Variants in NIBAN1 observed in about 807,000 individuals in gnomAD.
The protein encoded by NIBAN1 is niban apoptosis regulator 1.
A neutral mutation model predicts 75.1 loss-of-function variants in NIBAN1; 81 were observed. The observed-to-expected ratio is 1.08, with a 90% CI of 0.90 to 1.30. The LOEUF (loss-of-function observed/expected upper bound fraction) is 1.30, where lower values mean the gene tolerates loss of function less well. Among genes scored for constraint, NIBAN1 ranks in the 50% most tolerant of loss-of-function variants. The probability of loss-of-function intolerance (pLI) is 0.00; values close to 1 mark genes in which losing one functional copy is unlikely to be tolerated. For missense variants in NIBAN1, 1,133 were observed against 1,128.1 expected (o/e 1.00, Z -0.06); for synonymous variants, 436 against 424.8 (o/e 1.03, Z -0.32).
At chr1:184,926,083 G>C (rs1379799946) in intron 1 of NIBAN1, among the ~76,000 whole-genome samples, 3 of 152,006 alleles carry the variant, frequency 2.0e-5, no homozygotes, top group Admixed American at 6.6e-5. Context: ...TGTTTGAAGG[G>C]TATTTTTGCT....
At chr1:184,870,838 T>A (rs917354714) in intron 5 of NIBAN1, among the ~76,000 whole-genome samples, 1 of 152,234 alleles carries the variant, frequency 6.6e-6, no homozygotes, top group Non-Finnish European at 1.5e-5. Context: ...CCAAAAGTTC[T>A]TTTGAATACC....
intron 5 of NIBAN1, among the ~76,000 whole-genome samples, chr1:184,883,383 T>C (rs117507174): frequency 6.6e-6 from 1 of 152,310 alleles, no homozygotes; most frequent in East Asian, 1.9e-4. Flanking sequence ...AGGAACTCTG[T>C]ATGCTTCATT....
At chr1:184,819,742 G>A (rs1006452441) in intron 8 of NIBAN1, among the ~76,000 whole-genome samples, 1 of 152,168 alleles carries the variant, frequency 6.6e-6, no homozygotes, top group Non-Finnish European at 1.5e-5. Context: ...GAGAACAGAA[G>A]CACAAGTGGA....
chr1:184,916,544 G>A (rs1657389313), intron 1 of NIBAN1, among the ~76,000 whole-genome samples: 1 of 152,082 alleles, frequency 6.6e-6, no homozygotes, highest in Non-Finnish European at 1.5e-5. Flanking sequence ...ATAATTATGT[G>A]TGTGTGTGTC....
chr1:184,884,830 T>G, intron 4 of NIBAN1, 30 bp from the exon 5 acceptor site: 1 of 1,606,836 alleles, frequency 6.2e-7, no homozygotes, highest in Non-Finnish European at 8.5e-7. Flanking sequence ...ACAAATACCT[T>G]TTAAAACATG....
intron 5 of NIBAN1, among the ~76,000 whole-genome samples, chr1:184,860,414 A>G (rs1052589575): frequency 6.6e-6 from 1 of 152,194 alleles, no homozygotes; most frequent in African/African-American, 2.4e-5. Context: ...CTTAGAAGTC[A>G]TTGCTTTTAT....
At chr1:184,962,750 A>T (rs1267218497) in intron 1 of NIBAN1, among the ~76,000 whole-genome samples, 1 of 152,222 alleles carries the variant, frequency 6.6e-6, no homozygotes, top group Non-Finnish European at 1.5e-5. Context: ...TTGGAGCTTC[A>T]ATAAAATAAG....
At chr1:184,923,594 T>C (rs1368119426) in intron 1 of NIBAN1, among the ~76,000 whole-genome samples, 3 of 152,194 alleles carry the variant, frequency 2.0e-5, no homozygotes, top group East Asian at 1.9e-4. Context: ...TTTCTATTTC[T>C]GTGAAGAATG....
intron 1 of NIBAN1, among the ~76,000 whole-genome samples, chr1:184,929,780 G>A (rs1303413492): frequency 6.6e-6 from 1 of 152,106 alleles, no homozygotes; most frequent in African/African-American, 2.4e-5. Context: ...TGGTCAAAAG[G>A]GTTGTTAAAA....
chr1:184,845,182 G>A (rs1362069793), intron 5 of NIBAN1, among the ~76,000 whole-genome samples: 2 of 152,200 alleles, frequency 1.3e-5, no homozygotes, highest in African/African-American at 2.4e-5. Context: ...TGCATCATCA[G>A]CATGAGTTGT....
chr1:184,797,696 A>T (rs1571466288), intron 13 of NIBAN1, among the ~76,000 whole-genome samples: 1 of 152,194 alleles, frequency 6.6e-6, no homozygotes. Context: ...CCTGTGCCTA[A>T]GAAAAGCCCT....
chr1:184,970,348 C>T (rs916078546), intron 1 of NIBAN1, among the ~76,000 whole-genome samples: 12 of 152,176 alleles, frequency 7.9e-5, no homozygotes, highest in African/African-American at 2.7e-4. Context: ...AGTTCTTATG[C>T]CCATCTCCCA....
At chr1:184,857,976 G>A (rs900016191) in intron 5 of NIBAN1, among the ~76,000 whole-genome samples, 6 of 151,440 alleles carry the variant, frequency 4.0e-5, no homozygotes, top group Admixed American at 2.0e-4. Context: ...GAGGAAATTA[G>A]AAATATAATC....
intron 9 of NIBAN1, among the ~76,000 whole-genome samples, chr1:184,808,826 C>G (rs1304170130): frequency 1.3e-5 from 2 of 152,166 alleles, no homozygotes; most frequent in Non-Finnish European, 2.9e-5. Flanking sequence ...GTTTGAAGAA[C>G]TGGGGTCCCT....
intron 9 of NIBAN1, among the ~76,000 whole-genome samples, chr1:184,811,363 C>T (rs949356263): frequency 2.8e-4 from 43 of 152,084 alleles, no homozygotes; most frequent in African/African-American, 9.9e-4. Context: ...TCCTTAATTT[C>T]TGGAAAACTG....
chr1:184,832,082 A>C (rs932951161), intron 5 of NIBAN1, 120 bp from the exon 6 acceptor site: 21 of 715,166 alleles, frequency 2.9e-5, no homozygotes, highest in Non-Finnish European at 3.8e-5. Flanking sequence ...ATGGGATTAT[A>C]AGACACAGAG....
chr1:184,889,996 T>C lies in NIBAN1; in HGVS notation c.433+112A>G, dbSNP rs193052224. The C allele has an allele frequency of 2.2e-5, 18 of 805,264 alleles. No individual in the cohort carries two copies. The East Asian group carries it at 4.6e-4, about 21-fold the overall frequency. The allele number at this position is 805,264 out of a possible 1,614,324, so 49.9% of individuals were successfully genotyped here. ...TGTGACAAACAAAAATGTCTCCAGA[T>C]GCTGCCAAATGTCCCTGGAGGGAAA... On this transcript the variant is annotated intron_variant, in intron 4 of 13. Coordinates refer to ENST00000367511, the MANE Select transcript of NIBAN1 (RefSeq NM_052966.4).
At chr1:184,912,903 C>A (rs970748974) in intron 1 of NIBAN1, among the ~76,000 whole-genome samples, 3 of 152,090 alleles carry the variant, frequency 2.0e-5, no homozygotes, top group South Asian at 4.1e-4. Context: ...GCAACATGGG[C>A]TGGATTTTAG....
intron 5 of NIBAN1, among the ~76,000 whole-genome samples, chr1:184,863,871 G>C (rs2102278865): frequency 6.6e-6 from 1 of 152,260 alleles, no homozygotes; most frequent in Non-Finnish European, 1.5e-5. Flanking sequence ...TAATTTCCAT[G>C]AACCTCAGTG....
Sources: gnomAD v4.1 joint callset for allele counts (sites outside exome capture counted in the v4.1 genomes callset) on GRCh38, gnomAD v4.1.1 for gene constraint, MANE v1.5 for transcripts, NCBI Gene and HGNC (gene_info 2026-07-23, HGNC 2026-07-21) for gene names.